PDE10A: variants seen among roughly 807,000 people sequenced by gnomAD.
PDE10A encodes the protein phosphodiesterase 10A.
PDE10A carries 39 observed loss-of-function variants against 97.7 expected under a neutral mutation model. The ratio of observed to expected loss-of-function variants is 0.40; its 90% CI spans 0.31 to 0.52. The LOEUF (loss-of-function observed/expected upper bound fraction) is 0.52, where lower values mean the gene tolerates loss of function less well. Ranked by LOEUF, PDE10A falls within the 20% of genes least tolerant of loss-of-function variation. The probability of loss-of-function intolerance (pLI) is 0.56; values close to 1 mark genes in which losing one functional copy is unlikely to be tolerated. For missense variants in PDE10A, 731 were observed against 1,047.8 expected, an observed-to-expected ratio of 0.70 and a Z score of 4.17; for synonymous variants, 371 against 376.8, an observed-to-expected ratio of 0.98 and a Z score of 0.18.
At chr6:165,919,742 A>C (rs1206940344) in intron 1 of PDE10A, among the ~76,000 whole-genome samples, 3 of 152,198 alleles carry the variant, frequency 2.0e-5, no homozygotes. Context: ...TATCTTTCGC[A>C]GTCCTGTTTT....
intron 1 of PDE10A, among the ~76,000 whole-genome samples, chr6:165,733,621 T>G (rs870448): frequency 0.42 from 64,624 of 152,092 alleles, 14,211 homozygotes; most frequent in Middle Eastern, 0.57. Context: ...ATTGCAAAGA[T>G]AAATCATGTC....
chr6:165,964,949 A>G (rs974422802), intron 1 of PDE10A, among the ~76,000 whole-genome samples: 2 of 152,180 alleles, frequency 1.3e-5, no homozygotes, highest in African/African-American at 2.4e-5. Flanking sequence ...GAAGGGTGCC[A>G]GGGGAGAGAG....
At position 165,855,014 on chromosome 6, in the gene PDE10A, AATGAATGAATGAATGAATGC is replaced by A. The variant is rs1490207884; in HGVS notation, c.-615+132495_-615+132514del. ...GAATGAATGAATGAATGAATGAATGAATGAATGAATGAATGAATGCATGAATGAATGAAGAGGGAAGGAGG... is the reference window on the plus strand; with the variant it reads ...GAATGAATGAATGAATGAATGAATGAATGAATGAATGAAGAGGGAAGGAGG... On this transcript the variant is annotated intron_variant, in intron 1 of 19. Transcript: ENST00000366882. 4.1e-3 allele frequency among the ~76,000 whole-genome samples: 619 copies of A among 151,754 alleles called. 7 individuals carry two copies. The highest frequency in any genetic ancestry group is 0.014 in the African/African-American group (596 of 41,468).
At position 165,772,777 on chromosome 6, in the gene PDE10A, G is replaced by C. The variant is rs541167924; in HGVS notation, c.-615+214752C>G. On this transcript the variant is annotated intron_variant, in intron 1 of 19. Coordinates refer to the PDE10A transcript ENST00000366882. ...GGGGTGGGGGAGCAAGGAAGAGACA[G>C]AGTGAAAAATCCGAAAGACAGAATA... Among the ~76,000 whole-genome samples the C allele has an allele frequency of 3.9e-5, 6 of 152,320 alleles. No homozygotes were observed. In the East Asian group the frequency reaches 9.6e-4, roughly 24 times the overall value.
intron 1 of PDE10A, among the ~76,000 whole-genome samples, chr6:165,708,048 C>T (rs1004280751): frequency 5.3e-5 from 8 of 152,182 alleles, no homozygotes; most frequent in African/African-American, 1.7e-4. Context: ...TGCCTCCTTG[C>T]CAGCTATCCT....
At chr6:165,334,984 TCCACTCCAAC>T (rs1300635410) in intron 21 of PDE10A, among the ~76,000 whole-genome samples, 2 of 152,174 alleles carry the variant, frequency 1.3e-5, no homozygotes, top group Non-Finnish European at 2.9e-5. Flanking sequence ...CCACAGGGCA[TCCACTCCAAC>T]CCACCCCAGG....
chr6:165,814,074 A>G (rs185280190), intron 1 of PDE10A, among the ~76,000 whole-genome samples: 2 of 152,338 alleles, frequency 1.3e-5, no homozygotes, highest in East Asian at 1.9e-4. Context: ...TTGAGTTGAT[A>G]CAAAGGTGTC....
chr6:165,624,132 C>G lies in PDE10A; in HGVS notation c.865+37815G>C, dbSNP rs1179165524. 2.6e-5 allele frequency among the ~76,000 whole-genome samples: 4 copies of G among 152,350 alleles called. No individual in the cohort carries two copies. The South Asian group carries it at 6.2e-4, about 24-fold the overall frequency. On this transcript the variant is annotated intron_variant, in intron 1 of 21. Transcript: ENST00000539869. ...TTCCTTGCCACCATATCACATCAAGCTTTGAGTCATATCCATCCACCTCTC... is the reference window on the plus strand; with the variant it reads ...TTCCTTGCCACCATATCACATCAAGGTTTGAGTCATATCCATCCACCTCTC...
intron 1 of PDE10A, among the ~76,000 whole-genome samples, chr6:165,877,571 T>C (rs1004217859): frequency 3.3e-5 from 5 of 152,204 alleles, no homozygotes; most frequent in African/African-American, 1.2e-4. Flanking sequence ...TATATGCGTG[T>C]ACAGCATGGT....
chr6:165,331,143 A>C lies in PDE10A; in HGVS notation c.*1882T>G, dbSNP rs1020072691. On this transcript the variant is annotated 3_prime_UTR_variant, in exon 22 of 22. Transcript: ENST00000539869. ...ATGTGTATGTATCATATATACACAT[A>C]TGTATACGTTTACATACATGAGTGT... 1 of 152,146 alleles carries C rather than the reference A, an allele frequency of 6.6e-6. No individual in the cohort carries two copies. Among genetic ancestry groups the C allele is most frequent in the African/African-American group, 2.4e-5 (1 of 41,418 alleles). The allele number at this position is 152,146 out of a possible 1,614,324, so 9.4% of individuals were successfully genotyped here. A position where few individuals can be genotyped will look rare whatever the true frequency, so the allele number is the denominator to read the frequency against.
chr6:165,553,104 G>C (rs562480911), intron 1 of PDE10A, among the ~76,000 whole-genome samples: 1 of 152,014 alleles, frequency 6.6e-6, no homozygotes, highest in Non-Finnish European at 1.5e-5. Context: ...TTCATCTAAA[G>C]AGTTTAAATA....
At chr6:165,954,591 CA>C (rs1784072813) in intron 1 of PDE10A, among the ~76,000 whole-genome samples, 1 of 152,124 alleles carries the variant, frequency 6.6e-6, no homozygotes, top group Non-Finnish European at 1.5e-5. Context: ...GCATTGTCAT[CA>C]AAGGCACAGG....
intron 1 of PDE10A, among the ~76,000 whole-genome samples, chr6:165,653,923 C>T (rs977242013): frequency 1.3e-5 from 2 of 152,130 alleles, no homozygotes; most frequent in Non-Finnish European, 2.9e-5. Context: ...TCCTACTCTA[C>T]GAGCCCTGAC....
intron 2 of PDE10A, among the ~76,000 whole-genome samples, chr6:165,536,994 C>A (rs1197533633): frequency 6.6e-6 from 1 of 151,954 alleles, no homozygotes; most frequent in Non-Finnish European, 1.5e-5. Context: ...TCTGTCCTCC[C>A]ATGTTTATTG....
In PDE10A at chr6:165,501,516, T is replaced by A. The variant is rs559397740; in HGVS notation, c.995-19173A>T. The stretch of plus-strand genomic sequence containing the variant: ...TGAACCCAGGAGGTGGAGCTTGCAG[T>A]GAGCAGAGATCGCGCCACTGCACTC... On this transcript the variant is annotated intron_variant, in intron 2 of 21. Transcript: ENST00000539869. Among the ~76,000 whole-genome samples, 373 of 149,406 alleles carry A rather than the reference T, an allele frequency of 2.5e-3. 2 individuals carry two copies. Among genetic ancestry groups the A allele is most frequent in the Non-Finnish European group, 3.0e-3 (201 of 67,660 alleles).
chr6:165,674,374 G>A (rs1298591107), intron 1 of PDE10A, among the ~76,000 whole-genome samples: 1 of 151,828 alleles, frequency 6.6e-6, no homozygotes, highest in Non-Finnish European at 1.5e-5. Context: ...AATAGACCTG[G>A]CCTTAAATTC....
chr6:165,630,575 T>G (rs1463034730), intron 1 of PDE10A, among the ~76,000 whole-genome samples: 1 of 152,114 alleles, frequency 6.6e-6, no homozygotes, highest in Admixed American at 6.5e-5. Context: ...GTCTCCGGGG[T>G]AGAGACAAGG....
intron 1 of PDE10A, among the ~76,000 whole-genome samples, chr6:165,946,184 T>C (rs1179412533): frequency 1.3e-5 from 2 of 152,180 alleles, no homozygotes; most frequent in South Asian, 2.1e-4. Context: ...TTGCAAAACA[T>C]AGTGACTATA....
At chr6:165,588,510 C>T (rs1786059148) in intron 1 of PDE10A, among the ~76,000 whole-genome samples, 1 of 151,834 alleles carries the variant, frequency 6.6e-6, no homozygotes, top group Admixed American at 6.6e-5. Flanking sequence ...AGGCTGGTCT[C>T]GAACTCCCGA....
Sources: allele counts gnomAD v4.1 joint callset (sites outside exome capture counted in the v4.1 genomes callset), GRCh38; gene constraint gnomAD v4.1.1; transcripts MANE v1.5; gene names NCBI Gene and HGNC (gene_info 2026-07-23, HGNC 2026-07-21).